The following RAP1B variants were observed in gnomAD, a reference collection of about 807,000 sequenced individuals.
The protein encoded by RAP1B is ras-related protein Rap-1b.
RAP1B carries 1 observed loss-of-function variant against 27.5 expected under a neutral mutation model. The ratio of observed to expected loss-of-function variants is 0.04; its 90% CI spans 0.01 to 0.17. RAP1B has a LOEUF of 0.17. Among genes scored for constraint, RAP1B ranks in the 10% least tolerant of loss-of-function variants. The pLI, the probability that RAP1B is intolerant of heterozygous loss-of-function variation, is 1.00. For missense variants in RAP1B, 84 were observed against 214.8 expected (o/e 0.39, Z 3.81); for synonymous variants, 75 against 73.1 (o/e 1.03, Z -0.13).
rs1874201724 is a variant in RAP1B, at chr12:68,656,308, T to A, written c.327T>A (p.Val109=). The A allele has an allele frequency of 6.2e-7, 1 of 1,601,166 alleles. No homozygotes were observed. Among genetic ancestry groups the A allele is most frequent in the South Asian group, 1.1e-5 (1 of 90,620 alleles). The change falls in exon 6 of 8, where the codon GTT becomes GTA. Residue 109 remains valine (V), a splice_region_variant and synonymous_variant. Transcript: ENST00000250559. ...QILRVKDTDD[V]PMILVGNKCD... Reference sequence around the variant, plus strand: ...TACTCTCACAAATGTATTTTTAGGTTCCAATGATTCTTGTTGGTAATAAGT... The same window carrying A: ...TACTCTCACAAATGTATTTTTAGGTACCAATGATTCTTGTTGGTAATAAGT...
At chr12:68,613,258 G>A (rs919481318) in intron 1 of RAP1B, among the ~76,000 whole-genome samples, 16 of 151,972 alleles carry the variant, frequency 1.1e-4, no homozygotes, top group African/African-American at 3.6e-4. Flanking sequence ...TATTCGGGAG[G>A]CTGAGGCACG....
rs572102615 is a variant in RAP1B, at chr12:68,629,386, T to C, written c.-27+18343T>C. 4.6e-5 allele frequency among the ~76,000 whole-genome samples: 7 copies of C among 152,310 alleles called. No individual in the cohort carries two copies. In the East Asian group the frequency reaches 1.3e-3, roughly 29 times the overall value. On this transcript the variant is annotated intron_variant, in intron 1 of 7. Transcript: ENST00000250559. ...GCTTTAAAAGCACCATACAGACATG[T>C]CAGTGTTCAGATTAGAAATATATTT...
chr12:68,644,756 TG>T (rs1352066863), intron 1 of RAP1B, among the ~76,000 whole-genome samples: 1 of 145,964 alleles, frequency 6.9e-6, no homozygotes, highest in Non-Finnish European at 1.5e-5. Context: ...TGGTGCGATC[TG>T]GGCTCACTGC....
At chr12:68,634,472 A>AT (rs1391919796) in intron 1 of RAP1B, among the ~76,000 whole-genome samples, 3 of 152,120 alleles carry the variant, frequency 2.0e-5, no homozygotes, top group Non-Finnish European at 2.9e-5. Flanking sequence ...AAAAAAGGAC[A>AT]TTTTTTTAAG....
chr12:68,647,865 A>G (rs1156327109), intron 1 of RAP1B: 2 of 152,224 alleles, frequency 1.3e-5, no homozygotes, highest in African/African-American at 4.8e-5. Context: ...GATTAAAATC[A>G]TTTAAATCAG....
intron 1 of RAP1B, among the ~76,000 whole-genome samples, chr12:68,635,560 A>G (rs950440510): frequency 2.6e-5 from 4 of 152,120 alleles, no homozygotes; most frequent in South Asian, 4.2e-4. Context: ...GGTACAAGCA[A>G]TTCTCCTGCC....
chr12:68,629,781 A>C (rs749423853), intron 1 of RAP1B, among the ~76,000 whole-genome samples: 12 of 152,336 alleles, frequency 7.9e-5, no homozygotes, highest in Admixed American at 2.0e-4. Context: ...ATAGCTATCT[A>C]TGCCAGAAAT....
chr12:68,629,548 T>G (rs1872082196), intron 1 of RAP1B, among the ~76,000 whole-genome samples: 2 of 152,238 alleles, frequency 1.3e-5, no homozygotes, highest in African/African-American at 4.8e-5. Flanking sequence ...CAGATTAGAT[T>G]TTCATTTTAA....
intron 1 of RAP1B, among the ~76,000 whole-genome samples, chr12:68,629,944 G>A (rs1872113975): frequency 6.6e-6 from 1 of 152,196 alleles, no homozygotes; most frequent in Non-Finnish European, 1.5e-5. Flanking sequence ...AGTGCTAGAT[G>A]TTTAAAATAT....
chr12:68,654,269 A>G lies in RAP1B; in HGVS notation c.324+17A>G. 1 of 1,489,066 alleles carries G rather than the reference A, an allele frequency of 6.7e-7. No homozygotes were observed. Among genetic ancestry groups the G allele is most frequent in the Non-Finnish European group, 9.1e-7 (1 of 1,104,822 alleles). The allele number at this position is 1,489,066 out of a possible 1,614,324, so 92.2% of individuals were successfully genotyped here. Reference sequence around the variant, plus strand: ...ACTGATGATGTAAGCTGACTTCCAAATAAATATATTTTATTTCAAAACCCT... The same window carrying G: ...ACTGATGATGTAAGCTGACTTCCAAGTAAATATATTTTATTTCAAAACCCT... On this transcript the variant is annotated intron_variant, in intron 5 of 7. Coordinates refer to ENST00000250559, the MANE Select transcript of RAP1B (RefSeq NM_001010942.3).
intron 1 of RAP1B, among the ~76,000 whole-genome samples, chr12:68,633,328 A>C (rs1872399932): frequency 2.6e-5 from 4 of 152,024 alleles, no homozygotes; most frequent in Admixed American, 2.6e-4. Flanking sequence ...TTATATATCC[A>C]CTGGTCTGGT....
chr12:68,645,990 T>C (rs1375735845), intron 1 of RAP1B, among the ~76,000 whole-genome samples: 2 of 152,180 alleles, frequency 1.3e-5, no homozygotes, highest in African/African-American at 4.8e-5. Context: ...TACTGATAGA[T>C]ACAATAATAT....
chr12:68,632,142 T>TTG (rs1872301758), intron 1 of RAP1B, among the ~76,000 whole-genome samples: 1 of 135,298 alleles, frequency 7.4e-6, no homozygotes, highest in Non-Finnish European at 1.6e-5. Context: ...TTTTTTTTTT[T>TTG]TTTGTTTGTT....
chr12:68,638,006 C>G (rs1872746081), intron 1 of RAP1B, among the ~76,000 whole-genome samples: 1 of 152,000 alleles, frequency 6.6e-6, no homozygotes, highest in African/African-American at 2.4e-5. Context: ...GCAAATTTTG[C>G]TAACTGGATT....
At chr12:68,643,635 T>C (rs1873182392) in intron 1 of RAP1B, among the ~76,000 whole-genome samples, 1 of 152,182 alleles carries the variant, frequency 6.6e-6, no homozygotes. Flanking sequence ...ACCATTAGTT[T>C]ATTAATCCAG....
At chr12:68,657,775 TGC>T (rs1163478622) in intron 7 of RAP1B, 3 of 103,686 alleles carry the variant, frequency 2.9e-5, no homozygotes, top group Non-Finnish European at 6.0e-5. Flanking sequence ...CACACACACG[TGC>T]GCGCGTGCGC....
intron 1 of RAP1B, among the ~76,000 whole-genome samples, chr12:68,635,745 G>A (rs1352602786): frequency 3.3e-5 from 5 of 151,156 alleles, no homozygotes; most frequent in Admixed American, 6.6e-5. Flanking sequence ...ATGAGCCAGC[G>A]TGCCTGGCCT....
chr12:68,619,691 G>T (rs1444528044), intron 1 of RAP1B, among the ~76,000 whole-genome samples: 2 of 152,138 alleles, frequency 1.3e-5, no homozygotes, highest in African/African-American at 2.4e-5. Context: ...AGTGTTTAAT[G>T]TCTTCTTTGA....
At chr12:68,654,299 A>G (rs376380318) in intron 5 of RAP1B, 47 bp downstream of exon 5, 14 of 1,142,424 alleles carry the variant, frequency 1.2e-5, no homozygotes, top group African/African-American at 5.0e-5. Context: ...AACCCTGATT[A>G]TAATTGTTTA....
Sources: allele counts gnomAD v4.1 joint callset (sites outside exome capture counted in the v4.1 genomes callset), GRCh38; gene constraint gnomAD v4.1.1; transcripts MANE v1.5; gene names NCBI Gene and HGNC (gene_info 2026-07-23, HGNC 2026-07-21).